The following MAN2A2 variants were observed in gnomAD, a reference collection of about 807,000 sequenced individuals.
MAN2A2 encodes the protein mannosidase alpha class 2A member 2.
A neutral mutation model predicts 126.8 loss-of-function variants in MAN2A2; 79 were observed. The ratio of observed to expected loss-of-function variants is 0.62; its 90% CI spans 0.52 to 0.75. The LOEUF is 0.75. Ranked by LOEUF, MAN2A2 falls within the 30% of genes least tolerant of loss-of-function variation. The pLI is 0.00. For missense variants in MAN2A2, 1,392 were observed against 1,522.4 expected (o/e 0.91, Z 1.43); for synonymous variants, 671 against 618.7 (o/e 1.08, Z -1.25).
rs80163910 is a variant in MAN2A2 at position 90,912,228 on chromosome 15, C to T, written c.2295C>T (p.Leu765=). The T allele has an allele frequency of 0.028, 44,618 of 1,614,230 alleles. 854 individuals carry two copies. The highest frequency in any genetic ancestry group is 0.069 in the South Asian group (6,291 of 91,090). The change falls in exon 15 of 23, where the codon CTC becomes CTT. Residue 765 remains leucine (L), a synonymous_variant. Transcript: ENST00000559717. ...ACTCTGGCACCAGCGACTTCGCCCT[C>T]AGCAACCGCTACATGCAGGTCTGGT... ...VIDSGTSDFA[L]SNRYMQVWFS...
In MAN2A2 at chr15:90,911,168, C is replaced by T; in HGVS notation, c.1876-3C>T. 1 of 1,613,964 alleles carries T rather than the reference C, an allele frequency of 6.2e-7. No homozygotes were observed. Among genetic ancestry groups the T allele is most frequent in the Non-Finnish European group, 8.5e-7 (1 of 1,179,976 alleles). On this transcript the variant is annotated splice_polypyrimidine_tract_variant and splice_region_variant and intron_variant, in intron 12 of 22. Coordinates refer to ENST00000559717, the MANE Select transcript of MAN2A2 (RefSeq NM_006122.4). ...TCTTCCCTTCCGGCTCACTGAATTCCAGGATGACACTCGCTTAAGTCACGA... is the reference window on the plus strand; with the variant it reads ...TCTTCCCTTCCGGCTCACTGAATTCTAGGATGACACTCGCTTAAGTCACGA...
intron 15 of MAN2A2, 59 bp from the exon 16 acceptor site, chr15:90,912,483 A>G (rs1446093335): frequency 1.9e-6 from 3 of 1,601,940 alleles, no homozygotes; most frequent in Non-Finnish European, 2.6e-6. Flanking sequence ...GTGTCCTCCC[A>G]GGAGGCAGGC....
rs776578192 is a variant in MAN2A2 at position 90,905,846 on chromosome 15, C to G, written c.537C>G (p.Gly179=). Reference sequence around the variant, plus strand: ...GGGGACCCTACATTGGCTCCCTAGGCTGGATCAAGACCTTTGACAAGTACT... The same window carrying G: ...GGGGACCCTACATTGGCTCCCTAGGGTGGATCAAGACCTTTGACAAGTACT... ...FVVPHSHNDP[G]WIKTFDKYYT... is the part of the protein sequence containing the mutation. The change falls in exon 5 of 23, where the codon GGC becomes GGG. Residue 179 remains glycine, a splice_region_variant and synonymous_variant. Transcript: ENST00000559717. 3.0e-5 allele frequency: 47 copies of G among 1,573,702 alleles called. No individual in the cohort carries two copies. Among genetic ancestry groups the G allele is most frequent in the Non-Finnish European group, 4.1e-5 (47 of 1,159,280 alleles).
chr15:90,920,077 C>T lies in MAN2A2; in HGVS notation c.*290C>T. On this transcript the variant is annotated 3_prime_UTR_variant, in exon 23 of 23. Coordinates refer to ENST00000559717, the MANE Select transcript of MAN2A2 (RefSeq NM_006122.4). The stretch of plus-strand genomic sequence containing the variant: ...GGTTGTGAGTGGACACCCAACTGGG[C>T]ACAGGCTCAGGCACCCATCCTTTTT... 1 of 371,830 alleles carries T rather than the reference C, an allele frequency of 2.7e-6. No homozygotes were observed. The allele number at this position is 371,830 out of a possible 1,614,324, so 23.0% of individuals were successfully genotyped here. A position where few individuals can be genotyped will look rare whatever the true frequency, so the allele number is the denominator to read the frequency against.
At chr15:90,909,302 G>T in intron 8 of MAN2A2, 25 bp from the exon 9 acceptor site, 4 of 1,594,168 alleles carry the variant, frequency 2.5e-6, no homozygotes, top group South Asian at 1.1e-5. Flanking sequence ...TTCGTGGTGG[G>T]CCCATGTTTT....
Position 90,922,324 on chromosome 15 carries a change from G to C in MAN2A2, c.*2537G>C, listed in dbSNP as rs1044140209. On this transcript the variant is annotated 3_prime_UTR_variant, in exon 23 of 23. Transcript: ENST00000559717. The stretch of plus-strand genomic sequence containing the variant: ...CTTCCAGGTCATCAGAGTTGTTGCT[G>C]CCCGTATTAGGCCACACAGTGGAAC... 1 of 152,220 alleles carries C rather than the reference G, an allele frequency of 6.6e-6. No homozygotes were observed. Among genetic ancestry groups the C allele is most frequent in the Non-Finnish European group, 1.5e-5 (1 of 68,050 alleles). The allele number at this position is 152,220 out of a possible 1,614,324, so 9.4% of individuals were successfully genotyped here. A position where few individuals can be genotyped will look rare whatever the true frequency, so the allele number is the denominator to read the frequency against.
chr15:90,919,970 T>G lies in MAN2A2; in HGVS notation c.*183T>G, dbSNP rs963762385. Reference sequence around the variant, plus strand: ...TTTTCGGCGCAACCCACAAACCCAGTGATGGGTAAATAGGGCAGACGCCAG... The same window carrying G: ...TTTTCGGCGCAACCCACAAACCCAGGGATGGGTAAATAGGGCAGACGCCAG... On this transcript the variant is annotated 3_prime_UTR_variant, in exon 23 of 23. Transcript: ENST00000559717. 1 of 680,424 alleles carries G rather than the reference T, an allele frequency of 1.5e-6. No homozygotes were observed. Among genetic ancestry groups the G allele is most frequent in the Non-Finnish European group, 2.4e-6 (1 of 411,372 alleles). The allele number at this position is 680,424 out of a possible 1,614,324, so 42.1% of individuals were successfully genotyped here.
At chr15:90,910,743 T>A in intron 11 of MAN2A2, 60 bp downstream of exon 11, 1 of 1,606,058 alleles carries the variant, frequency 6.2e-7, no homozygotes, top group South Asian at 1.1e-5. Flanking sequence ...AGAAAGGACA[T>A]TGGGTGGTCA....
At chr15:90,908,748 G>A (rs1405366365) in intron 8 of MAN2A2, among the ~76,000 whole-genome samples, 1 of 151,908 alleles carries the variant, frequency 6.6e-6, no homozygotes, top group East Asian at 1.9e-4. Context: ...GCTAATTTTT[G>A]TATTTTTAGT....
chr15:90,911,038 C>A (rs1567124484), intron 12 of MAN2A2, 77 bp downstream of exon 12: 2 of 1,481,132 alleles, frequency 1.4e-6, no homozygotes, highest in South Asian at 1.1e-5. Flanking sequence ...GATGGGGGTG[C>A]CGCTTCTCTT....
intron 20 of MAN2A2, 149 bp downstream of exon 20, chr15:90,916,405 T>C: frequency 8.5e-7 from 1 of 1,171,256 alleles, no homozygotes; most frequent in Non-Finnish European, 1.2e-6. Flanking sequence ...GGAGGCAGTC[T>C]GGCGTTTTGT....
In MAN2A2 at chr15:90,919,875, C is replaced by T. The variant is rs912671464; in HGVS notation, c.*88C>T. ...TGGACAAGCCACACGGGTATCCCAT[C>T]CCGATCTGCCTCCCAGAACTGTGAC... On this transcript the variant is annotated 3_prime_UTR_variant, in exon 23 of 23. Transcript: ENST00000559717. The T allele has an allele frequency of 6.9e-7, 1 of 1,452,712 alleles. No homozygotes were observed. Among genetic ancestry groups the T allele is most frequent in the African/African-American group, 1.4e-5 (1 of 71,822 alleles). The allele number at this position is 1,452,712 out of a possible 1,614,324, so 90.0% of individuals were successfully genotyped here.
Position 90,905,989 on chromosome 15 carries a change from A to G in MAN2A2, c.680A>G (p.Asn227Ser), listed in dbSNP as rs775545570. ...SFFAKWWDNI[N>S]VQKRAAVRRL... ...TTCGCCAAGTGGTGGGACAACATCAATGTCCAAAAGAGAGCGGCAGTCCGA... is the reference window on the plus strand; with the variant it reads ...TTCGCCAAGTGGTGGGACAACATCAGTGTCCAAAAGAGAGCGGCAGTCCGA... Residue 227 changes from asparagine (N) to serine (S), a missense_variant, in exon 5 of 23, where the codon AAT (asparagine) becomes AGT (serine). Transcript: ENST00000559717. 2.0e-5 allele frequency: 33 copies of G among 1,613,884 alleles called. No homozygotes were observed. The East Asian group carries it at 3.3e-4, about 16-fold the overall frequency.
intron 16 of MAN2A2, 59 bp downstream of exon 16, chr15:90,912,723 C>T (rs2034854406): frequency 2.5e-6 from 4 of 1,608,014 alleles, no homozygotes; most frequent in Non-Finnish European, 2.6e-6. Flanking sequence ...CACAGGCCTT[C>T]CCACAGGTTT....
intron 12 of MAN2A2, 58 bp from the exon 13 acceptor site, chr15:90,911,113 G>C: frequency 6.3e-7 from 1 of 1,575,782 alleles, no homozygotes; most frequent in African/African-American, 1.4e-5. Context: ...TGGGACAGGT[G>C]GGGTGGGAGG....
At chr15:90,911,572 T>G (rs777404811) in intron 14 of MAN2A2, 22 bp downstream of exon 14, 8 of 1,597,024 alleles carry the variant, frequency 5.0e-6, no homozygotes, top group Non-Finnish European at 6.8e-6. Flanking sequence ...GCTTGTCAGG[T>G]GGGCCTGGCC....
intron 5 of MAN2A2, 48 bp from the exon 6 acceptor site, chr15:90,906,322 C>G: frequency 6.2e-7 from 1 of 1,610,976 alleles, no homozygotes; most frequent in Non-Finnish European, 8.5e-7. Flanking sequence ...GTTGGCAGGA[C>G]TGGGCAGAGT....
chr15:90,913,147 C>A, intron 17 of MAN2A2, 126 bp from the exon 18 acceptor site: 1 of 1,302,390 alleles, frequency 7.7e-7, no homozygotes, highest in South Asian at 1.4e-5. Context: ...TCCAGAAATG[C>A]CCTGGGGATT....
intron 22 of MAN2A2, among the ~76,000 whole-genome samples, chr15:90,919,295 A>G (rs1295531392): frequency 6.6e-6 from 1 of 152,244 alleles, no homozygotes; most frequent in Non-Finnish European, 1.5e-5. Flanking sequence ...ACTGGAGTGC[A>G]GTGGCGTGAT....
Sources: allele counts gnomAD v4.1 joint callset (sites outside exome capture counted in the v4.1 genomes callset), GRCh38; gene constraint gnomAD v4.1.1; transcripts MANE v1.5; gene names NCBI Gene and HGNC (gene_info 2026-07-23, HGNC 2026-07-21).